The following GRID1 variants were observed in gnomAD, a reference collection of about 807,000 sequenced individuals.
GRID1 encodes glutamate receptor ionotropic, delta-1.
In GRID1, 28 loss-of-function variants were observed where a neutral mutation model predicts 98.0. The observed-to-expected ratio is 0.29, with a 90% CI of 0.21 to 0.39. GRID1 has a LOEUF of 0.39. Ranked by LOEUF, GRID1 falls within the 10% of genes least tolerant of loss-of-function variation. The pLI is 1.00. For synonymous variants in GRID1, 553 were observed against 538.5 expected (o/e 1.03, Z -0.37); for missense variants, 1,111 against 1,340.5 (o/e 0.83, Z 2.67).
chr10:86,092,647 T>C (rs1319321343), intron 4 of GRID1, among the ~76,000 whole-genome samples: 1 of 152,156 alleles, frequency 6.6e-6, no homozygotes, highest in Admixed American at 6.6e-5. Context: ...GGAGGGACAG[T>C]GTATAATGGC....
intron 4 of GRID1, among the ~76,000 whole-genome samples, chr10:86,126,181 C>T (rs757583953): frequency 3.2e-4 from 48 of 152,196 alleles, no homozygotes; most frequent in Non-Finnish European, 3.8e-4. Flanking sequence ...CTCGGCCGGG[C>T]GTGGTGGCTC....
intron 4 of GRID1, among the ~76,000 whole-genome samples, chr10:86,107,011 T>C (rs760794136): frequency 2.0e-5 from 3 of 151,902 alleles, no homozygotes; most frequent in Non-Finnish European, 4.4e-5. Context: ...CAGACTCCTG[T>C]GGAGAGTGAG....
chr10:85,976,588 G>A (rs72845584), intron 4 of GRID1, among the ~76,000 whole-genome samples: 8,671 of 152,262 alleles, frequency 0.057, 257 homozygotes, highest in South Asian at 0.12. Context: ...CTAGCTCCCC[G>A]GCCCCTTGCC....
chr10:86,114,561 G>T (rs962186234), intron 4 of GRID1, among the ~76,000 whole-genome samples: 3 of 152,086 alleles, frequency 2.0e-5, no homozygotes, highest in African/African-American at 7.2e-5. Flanking sequence ...GCCACAGCCT[G>T]CATTCTTGAC....
At chr10:86,031,415 G>C (rs981330269) in intron 4 of GRID1, among the ~76,000 whole-genome samples, 2 of 152,008 alleles carry the variant, frequency 1.3e-5, no homozygotes, top group South Asian at 2.1e-4. Flanking sequence ...CAAAAGGGGG[G>C]GCAGGAGGAG....
At chr10:85,657,662 C>G (rs1840915973) in intron 12 of GRID1, among the ~76,000 whole-genome samples, 1 of 152,192 alleles carries the variant, frequency 6.6e-6, no homozygotes, top group Admixed American at 6.5e-5. Flanking sequence ...AACCAAAGAA[C>G]TGTGGCCCTG....
intron 3 of GRID1, among the ~76,000 whole-genome samples, chr10:86,165,110 CAG>C (rs147645003): frequency 0.019 from 2,878 of 152,148 alleles, 41 homozygotes; most frequent in Middle Eastern, 0.088. Flanking sequence ...GGAGCAGCCA[CAG>C]GGGGTTTCAA....
intron 2 of GRID1, among the ~76,000 whole-genome samples, chr10:86,308,391 A>T (rs527531639): frequency 1.3e-5 from 2 of 152,336 alleles, no homozygotes; most frequent in African/African-American, 4.8e-5. Context: ...GAAACAGGTC[A>T]TTGCTTCTGT....
At chr10:86,173,440 T>C (rs993972482) in intron 3 of GRID1, among the ~76,000 whole-genome samples, 1 of 152,204 alleles carries the variant, frequency 6.6e-6, no homozygotes, top group Admixed American at 6.5e-5. Context: ...CATCTTCCCA[T>C]GGTCACACAC....
chr10:86,128,496 C>T (rs925451932), intron 4 of GRID1, among the ~76,000 whole-genome samples: 2 of 152,190 alleles, frequency 1.3e-5, no homozygotes, highest in African/African-American at 4.8e-5. Flanking sequence ...TTGCTTTCCC[C>T]CTGACACTGC....
At chr10:85,606,554 C>T (rs1037500547) in intron 15 of GRID1, 1 of 152,230 alleles carries the variant, frequency 6.6e-6, no homozygotes, top group East Asian at 1.9e-4. Context: ...TGCTGTGTCT[C>T]ACAATGTGTC....
intron 2 of GRID1, among the ~76,000 whole-genome samples, chr10:86,333,785 A>G (rs1848183606): frequency 6.6e-6 from 1 of 152,220 alleles, no homozygotes; most frequent in African/African-American, 2.4e-5. Context: ...GTGGAAGTGG[A>G]TCATCATAAA....
intron 5 of GRID1, among the ~76,000 whole-genome samples, chr10:85,902,513 T>C (rs1202281855): frequency 6.6e-6 from 1 of 152,240 alleles, no homozygotes; most frequent in Middle Eastern, 3.2e-3. Flanking sequence ...ATAGTAGGAC[T>C]TTCCATAATA....
chr10:86,054,045 C>T (rs1399345394), intron 4 of GRID1, among the ~76,000 whole-genome samples: 2 of 152,180 alleles, frequency 1.3e-5, no homozygotes, highest in Non-Finnish European at 1.5e-5. Flanking sequence ...AATACTATGC[C>T]ATGAAGTTCT....
chr10:86,034,975 T>C (rs527884251), intron 4 of GRID1, among the ~76,000 whole-genome samples: 10 of 151,544 alleles, frequency 6.6e-5, no homozygotes, highest in African/African-American at 2.2e-4. Flanking sequence ...GATGGATGGA[T>C]GGTGGGTGGA....
intron 4 of GRID1, among the ~76,000 whole-genome samples, chr10:86,137,209 T>C (rs1181023581): frequency 1.3e-5 from 2 of 152,194 alleles, no homozygotes; most frequent in Non-Finnish European, 2.9e-5. Context: ...TGCATGAATA[T>C]GTGCAGTGAA....
At chr10:86,087,395 T>C (rs1386506302) in intron 4 of GRID1, among the ~76,000 whole-genome samples, 1 of 149,838 alleles carries the variant, frequency 6.7e-6, no homozygotes, top group Non-Finnish European at 1.5e-5. Flanking sequence ...ATGGAGTCTG[T>C]GTGTGTGTGT....
chr10:86,054,703 C>G (rs1843549370), intron 4 of GRID1, among the ~76,000 whole-genome samples: 1 of 152,206 alleles, frequency 6.6e-6, no homozygotes, highest in Non-Finnish European at 1.5e-5. Context: ...CTATCAAGCA[C>G]TATAAGAACA....
intron 13 of GRID1, among the ~76,000 whole-genome samples, chr10:85,644,374 C>T (rs1304106939): frequency 6.6e-6 from 1 of 152,222 alleles, no homozygotes; most frequent in Non-Finnish European, 1.5e-5. Flanking sequence ...GCTCTCCCAC[C>T]TGTAGCAACC....
Sources: gnomAD v4.1 joint callset for allele counts (sites outside exome capture counted in the v4.1 genomes callset) on GRCh38, gnomAD v4.1.1 for gene constraint, MANE v1.5 for transcripts, NCBI Gene and HGNC (gene_info 2026-07-23, HGNC 2026-07-21) for gene names.